The following FSTL5 variants were observed in gnomAD, a reference collection of about 807,000 sequenced individuals.
The protein encoded by FSTL5 is follistatin-related protein 5.
A neutral mutation model predicts 89.1 loss-of-function variants in FSTL5; 62 were observed. That is an observed-to-expected ratio of 0.70 (90% confidence interval 0.57 to 0.86). FSTL5 has a LOEUF of 0.86. FSTL5 is among the 40% of genes least tolerant of loss of function. FSTL5 has a pLI of 0.00. For synonymous variants in FSTL5, 383 were observed against 346.2 expected, an observed-to-expected ratio of 1.11 and a Z score of -1.18; for missense variants, 1,057 against 1,001.6, an observed-to-expected ratio of 1.06 and a Z score of -0.75.
intron 3 of FSTL5, among the ~76,000 whole-genome samples, chr4:162,017,785 A>G (rs1736955254): frequency 6.6e-6 from 1 of 152,176 alleles, no homozygotes; most frequent in Non-Finnish European, 1.5e-5. Flanking sequence ...AAGATTTTCA[A>G]AATGTAATTT....
At position 161,643,483 on chromosome 4, in the gene FSTL5, TC is replaced by T. The variant is rs1553954141; in HGVS notation, c.894+12844del. Among the ~76,000 whole-genome samples, 734 of 150,992 alleles carry T rather than the reference TC, an allele frequency of 4.9e-3. 5 individuals are homozygous for T. Among genetic ancestry groups the T allele is most frequent in the African/African-American group, 0.017 (710 of 41,334 alleles). ...TAAATGTAACGGAGTTTTTTTTTTT[TC>T]CCCTTTTCAGTCAGTAAGATTTTGA... On this transcript the variant is annotated intron_variant, in intron 7 of 15. Transcript: ENST00000306100.
chr4:162,041,926 G>A (rs12644808), intron 2 of FSTL5: 8,905 of 152,156 alleles, frequency 0.059, 410 homozygotes, highest in East Asian at 0.22. Context: ...TGAGGAGGAC[G>A]CATCACCTGA....
intron 6 of FSTL5, among the ~76,000 whole-genome samples, chr4:161,685,447 T>C (rs1227463786): frequency 6.6e-6 from 1 of 152,204 alleles, no homozygotes; most frequent in Admixed American, 6.5e-5. Flanking sequence ...TAGTTTTCCT[T>C]GTAGATGTCT....
chr4:161,471,302 T>A (rs560645762), intron 13 of FSTL5, among the ~76,000 whole-genome samples: 1 of 152,352 alleles, frequency 6.6e-6, no homozygotes, highest in South Asian at 2.1e-4. Flanking sequence ...TTTCGATCAA[T>A]TGAGATGGTC....
At chr4:162,037,380 G>A (rs961992557) in intron 2 of FSTL5, among the ~76,000 whole-genome samples, 2 of 151,878 alleles carry the variant, frequency 1.3e-5, no homozygotes, top group African/African-American at 4.8e-5. Context: ...TGTGGAAGCT[G>A]AGTGTTTTGT....
intron 4 of FSTL5, among the ~76,000 whole-genome samples, chr4:161,797,339 T>C (rs2126825799): frequency 6.6e-6 from 1 of 151,764 alleles, no homozygotes; most frequent in African/African-American, 2.4e-5. Flanking sequence ...AGCATGTTTC[T>C]CTCAATTGGG....
At chr4:161,643,775 T>C (rs1481547367) in intron 7 of FSTL5, among the ~76,000 whole-genome samples, 2 of 152,224 alleles carry the variant, frequency 1.3e-5, no homozygotes, top group African/African-American at 4.8e-5. Flanking sequence ...GTTTAAATGA[T>C]TGATTGCCAA....
chr4:161,400,336 A>G (rs527825478), intron 15 of FSTL5, among the ~76,000 whole-genome samples: 3 of 152,204 alleles, frequency 2.0e-5, no homozygotes, highest in African/African-American at 4.8e-5. Context: ...ATAAAAATAT[A>G]TATGAGCTCT....
At chr4:161,834,343 T>A (rs138710380) in intron 4 of FSTL5, among the ~76,000 whole-genome samples, 11,776 of 152,074 alleles carry the variant, frequency 0.077, 526 homozygotes, top group African/African-American at 0.12. Context: ...ACAGCCAATA[T>A]CATACTGAAT....
At chr4:161,632,271 T>G (rs1050196495) in intron 7 of FSTL5, among the ~76,000 whole-genome samples, 1 of 152,152 alleles carries the variant, frequency 6.6e-6, no homozygotes, top group Middle Eastern at 3.4e-3. Flanking sequence ...TCCCATCTAC[T>G]TGGGAGGCTG....
At chr4:161,391,695 G>C (rs927238997) in intron 15 of FSTL5, among the ~76,000 whole-genome samples, 1 of 152,142 alleles carries the variant, frequency 6.6e-6, no homozygotes. Context: ...AAACATACCT[G>C]TTTATAAAGG....
At chr4:161,866,402 T>C (rs1362108493) in intron 4 of FSTL5, among the ~76,000 whole-genome samples, 1 of 151,892 alleles carries the variant, frequency 6.6e-6, no homozygotes, top group Non-Finnish European at 1.5e-5. Flanking sequence ...ATAGGTCTTT[T>C]GATTTGATGT....
At chr4:161,690,923 T>A (rs1351068029) in intron 6 of FSTL5, among the ~76,000 whole-genome samples, 1 of 152,146 alleles carries the variant, frequency 6.6e-6, no homozygotes, top group African/African-American at 2.4e-5. Context: ...TGTTCCTGCA[T>A]CAGTTTGCTA....
At chr4:161,515,430 C>T (rs1730787463) in intron 10 of FSTL5, among the ~76,000 whole-genome samples, 1 of 152,078 alleles carries the variant, frequency 6.6e-6, no homozygotes, top group African/African-American at 2.4e-5. Context: ...TGATCTCGAA[C>T]TCCTGACCTC....
intron 5 of FSTL5, among the ~76,000 whole-genome samples, chr4:161,763,375 G>A (rs975906056): frequency 1.3e-5 from 2 of 152,120 alleles, no homozygotes; most frequent in African/African-American, 4.8e-5. Flanking sequence ...GGATGTAAAG[G>A]TACTGTCTCC....
chr4:161,882,976 T>G (rs1169174064), intron 4 of FSTL5, among the ~76,000 whole-genome samples: 2 of 152,194 alleles, frequency 1.3e-5, no homozygotes. Context: ...ATATATTATC[T>G]CATTGGGATC....
intron 3 of FSTL5, among the ~76,000 whole-genome samples, chr4:161,936,913 T>C (rs1734450080): frequency 6.6e-6 from 1 of 151,968 alleles, no homozygotes; most frequent in Admixed American, 6.6e-5. Flanking sequence ...AAATTGGGAG[T>C]TCCCTAAAAA....
intron 6 of FSTL5, among the ~76,000 whole-genome samples, chr4:161,757,452 C>A (rs1483438741): frequency 6.6e-6 from 1 of 151,822 alleles, no homozygotes; most frequent in Non-Finnish European, 1.5e-5. Context: ...ACCTTGCCAC[C>A]ATGAGTACAC....
chr4:162,052,255 G>A (rs1192971589), intron 2 of FSTL5, among the ~76,000 whole-genome samples: 1 of 151,002 alleles, frequency 6.6e-6, no homozygotes, highest in Admixed American at 6.6e-5. Context: ...TTACATTAAT[G>A]AGTAAAATTT....
Sources: gnomAD v4.1 joint callset for allele counts (sites outside exome capture counted in the v4.1 genomes callset) on GRCh38, gnomAD v4.1.1 for gene constraint, MANE v1.5 for transcripts, NCBI Gene and HGNC (gene_info 2026-07-23, HGNC 2026-07-21) for gene names.